The following NXPH1 variants were observed in gnomAD, a reference collection of about 807,000 sequenced individuals.
NXPH1 encodes the protein neurexophilin 1, also known as neurexophilin-1.
A neutral mutation model predicts 23.7 loss-of-function variants in NXPH1; 5 were observed. The ratio of observed to expected loss-of-function variants is 0.21; its 90% CI spans 0.11 to 0.44. The LOEUF (loss-of-function observed/expected upper bound fraction) is 0.44. NXPH1 is among the 20% of genes least tolerant of loss of function. The pLI is 0.99. For synonymous variants in NXPH1, 144 were observed against 122.2 expected (o/e 1.18, Z -1.18); for missense variants, 324 against 321.6 (o/e 1.01, Z -0.06).
chr7:8,483,843 A>G (rs766458294), intron 2 of NXPH1, among the ~76,000 whole-genome samples: 4 of 152,178 alleles, frequency 2.6e-5, no homozygotes, highest in Admixed American at 1.3e-4. Flanking sequence ...TAAATGTTTA[A>G]GGAAGATTAT....
At chr7:8,588,618 A>T (rs1165544454) in intron 2 of NXPH1, among the ~76,000 whole-genome samples, 1 of 152,070 alleles carries the variant, frequency 6.6e-6, no homozygotes, top group Admixed American at 6.5e-5. Context: ...CATTAGTTCC[A>T]TCTTGGAAGA....
chr7:8,722,185 T>A (rs1779980596), intron 2 of NXPH1, among the ~76,000 whole-genome samples: 1 of 152,220 alleles, frequency 6.6e-6, no homozygotes, highest in South Asian at 2.1e-4. Flanking sequence ...TTAAAAATTT[T>A]AATATTATAG....
rs2128613561 is a variant in NXPH1 at position 8,508,266 on chromosome 7, C to T, written c.54+72499C>T. On this transcript the variant is annotated intron_variant, in intron 2 of 2. Transcript: ENST00000405863. ...ATTTCAACCCAACAGACGGTCTAGA[C>T]ATTTTCTGCTAACAAACTTTGATTG... 3.3e-5 allele frequency among the ~76,000 whole-genome samples: 5 copies of T among 152,242 alleles called. 1 individual carries two copies. Among genetic ancestry groups the T allele is most frequent in the Admixed American group, 3.3e-4 (5 of 15,290 alleles).
chr7:8,566,762 A>G (rs1165099247), intron 2 of NXPH1, among the ~76,000 whole-genome samples: 2 of 151,840 alleles, frequency 1.3e-5, no homozygotes, highest in African/African-American at 2.4e-5. Flanking sequence ...AGTATCACAG[A>G]GTCTCCAGCT....
At chr7:8,535,563 C>T (rs1818014175) in intron 2 of NXPH1, among the ~76,000 whole-genome samples, 1 of 151,058 alleles carries the variant, frequency 6.6e-6, no homozygotes. Flanking sequence ...AAACCAAACA[C>T]AAGAACAAAC....
intron 2 of NXPH1, among the ~76,000 whole-genome samples, chr7:8,744,199 T>A (rs1780429953): frequency 6.6e-6 from 1 of 152,224 alleles, no homozygotes; most frequent in African/African-American, 2.4e-5. Context: ...ACACTTATGT[T>A]AATAATCTTT....
chr7:8,466,535 C>A (rs1037306451), intron 2 of NXPH1, among the ~76,000 whole-genome samples: 6 of 152,082 alleles, frequency 3.9e-5, no homozygotes, highest in African/African-American at 1.4e-4. Context: ...GAGTTCTGAT[C>A]TATTCATGTT....
intron 2 of NXPH1, among the ~76,000 whole-genome samples, chr7:8,437,060 A>C (rs1196892033): frequency 6.6e-6 from 1 of 152,106 alleles, no homozygotes; most frequent in Non-Finnish European, 1.5e-5. Flanking sequence ...TTATCGCCTG[A>C]CCGTAGCAGC....
At chr7:8,462,904 T>C (rs1281757078) in intron 2 of NXPH1, among the ~76,000 whole-genome samples, 1 of 152,238 alleles carries the variant, frequency 6.6e-6, no homozygotes, top group African/African-American at 2.4e-5. Flanking sequence ...AGAGGCTTAT[T>C]TTATAGTTAG....
intron 2 of NXPH1, among the ~76,000 whole-genome samples, chr7:8,630,338 T>C (rs1820101587): frequency 6.6e-6 from 1 of 152,130 alleles, no homozygotes; most frequent in Admixed American, 6.6e-5. Context: ...TTATAATGTC[T>C]CACTATTCTC....
chr7:8,475,982 T>C (rs1326583788), intron 2 of NXPH1, among the ~76,000 whole-genome samples: 1 of 152,168 alleles, frequency 6.6e-6, no homozygotes, highest in African/African-American at 2.4e-5. Flanking sequence ...AATATTTTTG[T>C]TTATTTTTAA....
chr7:8,657,138 T>G (rs1413521669), intron 2 of NXPH1, among the ~76,000 whole-genome samples: 3 of 152,208 alleles, frequency 2.0e-5, no homozygotes, highest in African/African-American at 7.2e-5. Flanking sequence ...TTCTTAGTCT[T>G]ACAGTGTCTG....
At chr7:8,672,923 C>G (rs1179169360) in intron 2 of NXPH1, among the ~76,000 whole-genome samples, 1 of 152,132 alleles carries the variant, frequency 6.6e-6, no homozygotes, top group Non-Finnish European at 1.5e-5. Context: ...GTGAAAAGAA[C>G]AGGGATTTTG....
intron 2 of NXPH1, among the ~76,000 whole-genome samples, chr7:8,724,412 C>T (rs1478094070): frequency 3.3e-5 from 5 of 152,202 alleles, no homozygotes; most frequent in Admixed American, 1.3e-4. Context: ...TCTTCCCCAA[C>T]GACCTGTTCT....
chr7:8,712,434 CT>C (rs1407283196), intron 2 of NXPH1, among the ~76,000 whole-genome samples: 7 of 152,290 alleles, frequency 4.6e-5, no homozygotes, highest in African/African-American at 1.7e-4. Context: ...AAATGAGTAG[CT>C]TAAACTCCTT....
chr7:8,536,003 TC>T (rs1242623434), intron 2 of NXPH1, among the ~76,000 whole-genome samples: 1 of 151,992 alleles, frequency 6.6e-6, no homozygotes, highest in Non-Finnish European at 1.5e-5. Flanking sequence ...ACTTGTGTGA[TC>T]CTTTGCTCAG....
At chr7:8,634,695 T>TCCCC (rs138945468) in intron 2 of NXPH1, among the ~76,000 whole-genome samples, 7 of 135,748 alleles carry the variant, frequency 5.2e-5, no homozygotes, top group Non-Finnish European at 7.6e-5. Context: ...TTTTTTTTTT[T>TCCCC]CCAAAGAGCA....
intron 2 of NXPH1, among the ~76,000 whole-genome samples, chr7:8,456,897 A>G (rs1271757668): frequency 6.6e-6 from 1 of 152,096 alleles, no homozygotes; most frequent in African/African-American, 2.4e-5. Flanking sequence ...TTCTAACTCC[A>G]TTTATACCAC....
intron 2 of NXPH1, among the ~76,000 whole-genome samples, chr7:8,708,714 G>A (rs997039914): frequency 1.3e-5 from 2 of 151,914 alleles, no homozygotes; most frequent in Non-Finnish European, 2.9e-5. Flanking sequence ...TTACAGAATT[G>A]CATTTACTGA....
Sources: gnomAD v4.1 joint callset for allele counts (sites outside exome capture counted in the v4.1 genomes callset) on GRCh38, gnomAD v4.1.1 for gene constraint, MANE v1.5 for transcripts, NCBI Gene and HGNC (gene_info 2026-07-23, HGNC 2026-07-21) for gene names.